Variants in PTPRS observed in about 807,000 individuals in gnomAD.
PTPRS encodes receptor-type tyrosine-protein phosphatase S.
Under a neutral mutation model 215.3 loss-of-function variants are expected in PTPRS, and 63 were observed. That is an observed-to-expected ratio of 0.29 (90% CI 0.24 to 0.36). The LOEUF is 0.36. Among genes scored for constraint, PTPRS ranks in the 10% least tolerant of loss-of-function variants. PTPRS has a pLI of 1.00. For missense variants in PTPRS, 2,258 were observed against 2,825.8 expected, an observed-to-expected ratio of 0.80 and a Z score of 4.56; for synonymous variants, 1,404 against 1,191.4, an observed-to-expected ratio of 1.18 and a Z score of -3.68.
At chr19:5,322,863 G>A (rs1363301902) in intron 1 of PTPRS, among the ~76,000 whole-genome samples, 4 of 85,656 alleles carry the variant, frequency 4.7e-5, no homozygotes, top group Non-Finnish European at 8.7e-5. Flanking sequence ...TGGGCAACAA[G>A]AGCAAAACTC....
At chr19:5,268,479 C>A (rs1047248704) in intron 4 of PTPRS, among the ~76,000 whole-genome samples, 1 of 151,798 alleles carries the variant, frequency 6.6e-6, no homozygotes. Context: ...CAGGAGGCCA[C>A]CATCTTGGGA....
intron 9 of PTPRS, among the ~76,000 whole-genome samples, chr19:5,247,683 G>C (rs553953508): frequency 6.6e-6 from 1 of 152,022 alleles, no homozygotes; most frequent in African/African-American, 2.4e-5. Flanking sequence ...TGCAGCCTCA[G>C]GGGGTGGTCT....
At chr19:5,324,781 G>T (rs1452272317) in intron 1 of PTPRS, among the ~76,000 whole-genome samples, 2 of 152,176 alleles carry the variant, frequency 1.3e-5, no homozygotes, top group Non-Finnish European at 2.9e-5. Flanking sequence ...GGACCACGAG[G>T]CACTCAGCTA....
chr19:5,229,444 T>G (rs1469869189), intron 15 of PTPRS, 47 bp downstream of exon 15: 6 of 1,372,366 alleles, frequency 4.4e-6, no homozygotes, highest in African/African-American at 1.5e-5. Context: ...CAAGGGCCCG[T>G]CCCCGCCCGG....
Position 5,229,471 on chromosome 19 carries a change from C to A in PTPRS, c.2349+20G>T. ...CCCGCCCGGAGCCCGTCCCCGGCCC[C>A]GCCCCGGCCCCCCGCCCACCTGGGC... is the stretch of plus-strand genomic sequence containing the variant. On this transcript the variant is annotated intron_variant, in intron 15 of 37. Transcript: ENST00000262963. 2 of 1,399,344 alleles carry A rather than the reference C, an allele frequency of 1.4e-6. No individual in the cohort carries two copies. Among genetic ancestry groups the A allele is most frequent in the Non-Finnish European group, 1.9e-6 (2 of 1,080,348 alleles). 86.7% of individuals were successfully genotyped at this position (1,399,344 alleles called of 1,614,324 possible). A position where few individuals can be genotyped will look rare whatever the true frequency, so the allele number is the denominator to read the frequency against.
chr19:5,229,911 C>T (rs996304928), intron 14 of PTPRS, among the ~76,000 whole-genome samples: 3 of 151,906 alleles, frequency 2.0e-5, no homozygotes, highest in South Asian at 2.1e-4. Context: ...GGCTGCCCCC[C>T]CCCGAGTCTA....
In PTPRS at chr19:5,210,427, C is replaced by G. The variant is rs771614629; in HGVS notation, c.5487+42G>C. 6.2e-7 allele frequency: 1 copy of G among 1,613,200 alleles called. No individual in the cohort carries two copies. The highest frequency in any genetic ancestry group is 2.2e-5 in the East Asian group (1 of 44,868). On this transcript the variant is annotated intron_variant, in intron 35 of 37. Coordinates refer to ENST00000262963, the MANE Select transcript of PTPRS (RefSeq NM_002850.4). This position sits in a 1 kb window ranked among gnomAD's most constrained non-coding sequence, Gnocchi z 4.5. ...AACCAGGGCAGCCCTTTCCAGATCACTAAGGCTCCAGCCCCTCCCGCCAGT... is the reference window on the plus strand; with the variant it reads ...AACCAGGGCAGCCCTTTCCAGATCAGTAAGGCTCCAGCCCCTCCCGCCAGT...
In PTPRS at chr19:5,238,875, C is replaced by T. The variant is rs770858029; in HGVS notation, c.1849+44G>A. ...GCCGAGGGGCTGTCTGCGGTCAGGC[C>T]GTGGTCCCTCCCGCAGAGAAGGGCG... On this transcript the variant is annotated intron_variant, in intron 13 of 37. Coordinates refer to ENST00000262963, the MANE Select transcript of PTPRS (RefSeq NM_002850.4). 1.4e-5 allele frequency: 21 copies of T among 1,534,300 alleles called. No homozygotes were observed. In the African/African-American group the frequency reaches 1.4e-4, roughly 10 times the overall value.
rs1358556961 is a variant in PTPRS, at chr19:5,339,979, G to A, written c.-95+685C>T. ...GAAGGGGGCGCCGAGGCCGCAGAAG[G>A]GTGGGGCAATGCCCGAGTGCCGGAG... On this transcript the variant is annotated intron_variant, in intron 1 of 37. Transcript: ENST00000262963. The surrounding 1 kb of genome is among the most constrained non-coding windows in gnomAD (Gnocchi z 4.2). 6.6e-6 allele frequency among the ~76,000 whole-genome samples: 1 copy of A among 151,958 alleles called. No homozygotes were observed. The highest frequency in any genetic ancestry group is 1.5e-5 in the Non-Finnish European group (1 of 67,892).
Position 5,206,490 on chromosome 19 carries a change from T to TC in PTPRS, c.*283dup, listed in dbSNP as rs1308282703. On this transcript the variant is annotated 3_prime_UTR_variant, in exon 38 of 38. Transcript: ENST00000262963. The stretch of plus-strand genomic sequence containing the variant: ...GGGGAGCACTCCTATTTGCTCACCA[T>TC]CCCCCCACCCCCCACCCCGGAATCT... 5.2e-6 allele frequency: 2 copies of TC among 383,710 alleles called. No homozygotes were observed. Among genetic ancestry groups the TC allele is most frequent in the Admixed American group, 4.1e-5 (1 of 24,144 alleles). 23.8% of individuals were successfully genotyped at this position (383,710 alleles called of 1,614,324 possible).
chr19:5,260,916 G>C (rs895298474), intron 6 of PTPRS, 94 bp from the exon 7 acceptor site: 37 of 1,445,258 alleles, frequency 2.6e-5, no homozygotes, highest in Admixed American at 3.7e-5. Flanking sequence ...CCGTAAGCCA[G>C]GCCTCAGCAC....
At chr19:5,263,040 T>C in intron 5 of PTPRS, 68 bp from the exon 6 acceptor site, 3 of 1,247,074 alleles carry the variant, frequency 2.4e-6, no homozygotes, top group Admixed American at 4.4e-5. Context: ...CAAAGAATCC[T>C]ATGTCCTCAG....
rs771492236 is a variant in PTPRS, at chr19:5,231,562, T to C, written c.1903A>G (p.Ile635Val). Residue 635 changes from isoleucine (I) to valine (V), a missense_variant, in exon 14 of 38, where the codon ATT becomes GTT. Ile to Val is a conservative substitution (Grantham distance 29, BLOSUM62 3). Around this residue, in one of 6 missense-constraint regions of PTPRS, gnomAD observed 371 missense variants for 446.7 expected, o/e 0.83. Coordinates refer to ENST00000262963, the MANE Select transcript of PTPRS (RefSeq NM_002850.4). ...GGCGGCGGGCGCCAACTTACCAAAA[T>C]GGCCGTGGAGCGCACGCTGACACAT... ...VKCVSVRSTA[I>V]LVSWRPPPPE... The C allele has an allele frequency of 7.5e-6, 12 of 1,602,132 alleles. No homozygotes were observed. The highest frequency in any genetic ancestry group is 1.0e-5 in the Non-Finnish European group (12 of 1,178,040).
chr19:5,226,356 C>T (rs560195905), intron 16 of PTPRS, among the ~76,000 whole-genome samples: 97 of 152,306 alleles, frequency 6.4e-4, no homozygotes, highest in African/African-American at 1.7e-3. Context: ...TGGAGGTGCC[C>T]GGTACCAACT....
chr19:5,292,185 T>C (rs2048875591), intron 1 of PTPRS, among the ~76,000 whole-genome samples: 1 of 152,166 alleles, frequency 6.6e-6, no homozygotes, highest in South Asian at 2.1e-4. Context: ...GCAAAGCCCC[T>C]GCATGCACTG....
Position 5,339,254 on chromosome 19 carries a change from G to C in PTPRS, c.-95+1410C>G, listed in dbSNP as rs748532588. On this transcript the variant is annotated intron_variant, in intron 1 of 37. Coordinates refer to ENST00000262963, the MANE Select transcript of PTPRS (RefSeq NM_002850.4). This position sits in a 1 kb window ranked among gnomAD's most constrained non-coding sequence, Gnocchi z 4.2. ...GGGGAGGCAAGGCACCCCCAATGAG[G>C]CTCTGGGAGGTTTGTTAATTTGGGG... is the stretch of plus-strand genomic sequence containing the variant. Among the ~76,000 whole-genome samples the C allele has an allele frequency of 2.0e-5, 3 of 152,124 alleles. No homozygotes were observed. Among genetic ancestry groups the C allele is most frequent in the Non-Finnish European group, 2.9e-5 (2 of 68,022 alleles).
Position 5,229,508 on chromosome 19 carries a change from T to A in PTPRS, c.2332A>T (p.Met778Leu), listed in dbSNP as rs2042832231. ...ARGPPRIKDV[M>L]LADAQWETDD... ...CCGCCCACCTGGGCATCGGCCAGCATGACGTCCTTGATGCGCGGCGGCCCG... is the reference window on the plus strand; with the variant it reads ...CCGCCCACCTGGGCATCGGCCAGCAAGACGTCCTTGATGCGCGGCGGCCCG... Residue 778 changes from methionine (M) to leucine (L), a missense_variant, in exon 15 of 38, where the codon ATG (methionine) becomes TTG (leucine). Around this residue, in one of 6 missense-constraint regions of PTPRS, gnomAD observed 371 missense variants for 446.7 expected, o/e 0.83. Coordinates refer to ENST00000262963, the MANE Select transcript of PTPRS (RefSeq NM_002850.4). 2.1e-6 allele frequency: 3 copies of A among 1,459,270 alleles called. No homozygotes were observed. The highest frequency in any genetic ancestry group is 2.7e-6 in the Non-Finnish European group (3 of 1,108,056). 90.4% of individuals were successfully genotyped at this position (1,459,270 alleles called of 1,614,324 possible). A position where few individuals can be genotyped will look rare whatever the true frequency, so the allele number is the denominator to read the frequency against.
rs368663702 is a variant in PTPRS at position 5,219,286 on chromosome 19, A to G, written c.3923+24T>C. 27 of 1,613,522 alleles carry G rather than the reference A, an allele frequency of 1.7e-5. No homozygotes were observed. In the African/African-American group the frequency reaches 2.8e-4, roughly 17 times the overall value. On this transcript the variant is annotated intron_variant, in intron 23 of 37. Transcript: ENST00000262963. ...GGAAGCCCTCCCTGCTGTCAAGTCAAGTCGGGGAGGACATGGGGCTTACTT... is the reference window on the plus strand; with the variant it reads ...GGAAGCCCTCCCTGCTGTCAAGTCAGGTCGGGGAGGACATGGGGCTTACTT...
chr19:5,244,533 C>G lies in PTPRS; in HGVS notation c.989-51G>C, dbSNP rs1320372905. The G allele has an allele frequency of 2.0e-6, 3 of 1,477,288 alleles. No homozygotes were observed. Among genetic ancestry groups the G allele is most frequent in the Non-Finnish European group, 2.8e-6 (3 of 1,078,164 alleles). 91.5% of individuals were successfully genotyped at this position (1,477,288 alleles called of 1,614,324 possible). On this transcript the variant is annotated intron_variant, in intron 10 of 37. Transcript: ENST00000262963. The surrounding 1 kb of genome is among the most constrained non-coding windows in gnomAD (Gnocchi z 7.2). ...CGCATTGGGCACATTGGTTGAGGACCCTGAAGGCTGTGTGACTTTTCACCA... is the reference window on the plus strand; with the variant it reads ...CGCATTGGGCACATTGGTTGAGGACGCTGAAGGCTGTGTGACTTTTCACCA...
Sources: gnomAD v4.1 joint callset for allele counts (sites outside exome capture counted in the v4.1 genomes callset) on GRCh38, gnomAD v4.1.1 for gene constraint, gnomAD v4.1.1 regional missense constraint, Gnocchi (gnomAD v3.1) non-coding constraint, MANE v1.5 for transcripts, NCBI Gene and HGNC (gene_info 2026-07-23, HGNC 2026-07-21) for gene names.